Variants in ANGPT1 observed in about 807,000 individuals in gnomAD.
ANGPT1 encodes angiopoietin 1.
A neutral mutation model predicts 62.2 loss-of-function variants in ANGPT1; 17 were observed. The ratio of observed to expected loss-of-function variants is 0.27; its 90% CI spans 0.19 to 0.41. ANGPT1 has a LOEUF of 0.41. Among genes scored for constraint, ANGPT1 ranks in the 10% least tolerant of loss-of-function variants. The probability of loss-of-function intolerance (pLI) is 1.00; values close to 1 mark genes in which losing one functional copy is unlikely to be tolerated. For missense variants in ANGPT1, 478 were observed against 594.9 expected (o/e 0.80, Z 2.04); for synonymous variants, 199 against 198.9 (o/e 1.00, Z 0.00).
At chr8:107,257,697 T>C (rs762190189) in intron 8 of ANGPT1, among the ~76,000 whole-genome samples, 5 of 152,070 alleles carry the variant, frequency 3.3e-5, no homozygotes, top group Non-Finnish European at 7.4e-5. Context: ...GTGCCATCAA[T>C]GGGATCATAA....
At chr8:107,458,812 G>A (rs942606822) in intron 1 of ANGPT1, among the ~76,000 whole-genome samples, 6 of 151,946 alleles carry the variant, frequency 3.9e-5, no homozygotes, top group African/African-American at 1.4e-4. Context: ...CTGCATGCAT[G>A]TATTATCTCA....
At chr8:107,338,563 A>G (rs894462428) in intron 2 of ANGPT1, among the ~76,000 whole-genome samples, 1 of 152,230 alleles carries the variant, frequency 6.6e-6, no homozygotes, top group South Asian at 2.1e-4. Context: ...AGGATCTGAA[A>G]GCCCGTCTAA....
At chr8:107,366,721 C>A (rs750677597) in intron 1 of ANGPT1, among the ~76,000 whole-genome samples, 7 of 152,066 alleles carry the variant, frequency 4.6e-5, no homozygotes, top group Non-Finnish European at 8.8e-5. Flanking sequence ...TCCAGCGATC[C>A]CTACCTCATG....
At chr8:107,365,326 C>A (rs1046411355) in intron 1 of ANGPT1, among the ~76,000 whole-genome samples, 2 of 152,130 alleles carry the variant, frequency 1.3e-5, no homozygotes, top group South Asian at 2.1e-4. Context: ...TGCTCTCCCC[C>A]ATGAGAAGTA....
chr8:107,279,240 TAAA>T (rs1383471924), intron 7 of ANGPT1, among the ~76,000 whole-genome samples: 5 of 152,172 alleles, frequency 3.3e-5, no homozygotes, highest in Admixed American at 1.3e-4. Context: ...TGAAAGGTAA[TAAA>T]AATAGTGATG....
chr8:107,317,634 ATTTT>A (rs34242211), intron 4 of ANGPT1, among the ~76,000 whole-genome samples: 1 of 134,140 alleles, frequency 7.5e-6, no homozygotes, highest in African/African-American at 2.8e-5. Flanking sequence ...TTTTATTTTT[ATTTT>A]TTTTTTTTTT....
intron 2 of ANGPT1, among the ~76,000 whole-genome samples, chr8:107,342,455 T>G (rs1293576703): frequency 1.3e-5 from 2 of 152,158 alleles, no homozygotes; most frequent in Admixed American, 1.3e-4. Context: ...ACAGTAAACA[T>G]CTTAGGCTTG....
chr8:107,431,164 G>A (rs2130404523), intron 1 of ANGPT1, among the ~76,000 whole-genome samples: 1 of 152,310 alleles, frequency 6.6e-6, no homozygotes, highest in African/African-American at 2.4e-5. Context: ...GTGTGTGAGA[G>A]AGAGACAGTG....
intron 1 of ANGPT1, among the ~76,000 whole-genome samples, chr8:107,465,472 T>A (rs980535230): frequency 2.6e-5 from 4 of 152,148 alleles, no homozygotes; most frequent in African/African-American, 9.7e-5. Flanking sequence ...GCATATTATA[T>A]TTTCATGCAC....
intron 1 of ANGPT1, among the ~76,000 whole-genome samples, chr8:107,439,389 A>G (rs1192295684): frequency 6.6e-6 from 1 of 152,238 alleles, no homozygotes; most frequent in East Asian, 1.9e-4. Flanking sequence ...TCATGACCTT[A>G]TGTCAGTGCC....
chr8:107,489,855 T>C (rs1204486400), intron 1 of ANGPT1, among the ~76,000 whole-genome samples: 1 of 151,610 alleles, frequency 6.6e-6, no homozygotes, highest in African/African-American at 2.4e-5. Context: ...GATAATCTTG[T>C]ATTGGGACAA....
intron 7 of ANGPT1, among the ~76,000 whole-genome samples, chr8:107,279,023 C>CTTCTCAGCCTCCACA (rs1361027330): frequency 1.8e-4 from 27 of 152,336 alleles, no homozygotes; most frequent in Non-Finnish European, 3.4e-4. Flanking sequence ...AGCCAGATTT[C>CTTCTCAGCCTCCACA]TTCTCAGCCT....
At chr8:107,408,078 A>G (rs370382926) in intron 1 of ANGPT1, among the ~76,000 whole-genome samples, 1 of 75,976 alleles carries the variant, frequency 1.3e-5, no homozygotes, top group Admixed American at 1.2e-4. Context: ...ATTTTCTTAC[A>G]AAAAAATAAA....
At chr8:107,386,894 G>A (rs565188192) in intron 1 of ANGPT1, among the ~76,000 whole-genome samples, 1 of 152,056 alleles carries the variant, frequency 6.6e-6, no homozygotes, top group Non-Finnish European at 1.5e-5. Flanking sequence ...TAAAAACTGA[G>A]TAATCTATGG....
chr8:107,299,391 G>GTATATATATATATATATATA (rs59247214), intron 5 of ANGPT1, among the ~76,000 whole-genome samples: 1 of 112,596 alleles, frequency 8.9e-6, no homozygotes, highest in Non-Finnish European at 1.8e-5. Flanking sequence ...ATGAAGGAGT[G>GTATATATATATATATATATA]TATATATATA....
intron 3 of ANGPT1, 56 bp from the exon 4 acceptor site, chr8:107,322,184 C>T (rs1265897826): frequency 1.6e-6 from 2 of 1,276,622 alleles, no homozygotes; most frequent in African/African-American, 3.0e-5. Context: ...CAAAAAAACC[C>T]TTATAATTCA....
At chr8:107,291,441 C>G (rs1814270165) in intron 6 of ANGPT1, among the ~76,000 whole-genome samples, 1 of 151,466 alleles carries the variant, frequency 6.6e-6, no homozygotes, top group Non-Finnish European at 1.5e-5. Context: ...TAGACAGAGT[C>G]TTTCTCGGTC....
At chr8:107,301,083 C>T (rs887626973) in intron 5 of ANGPT1, among the ~76,000 whole-genome samples, 3 of 151,820 alleles carry the variant, frequency 2.0e-5, no homozygotes, top group East Asian at 1.9e-4. Flanking sequence ...AACTAAAGTC[C>T]ATAGAATGAC....
chr8:107,252,416 G>A (rs1303072595), intron 8 of ANGPT1, among the ~76,000 whole-genome samples: 3 of 152,152 alleles, frequency 2.0e-5, no homozygotes, highest in Non-Finnish European at 4.4e-5. Context: ...ATTGGGAATA[G>A]AACAATTAAT....
Sources: allele counts gnomAD v4.1 joint callset (sites outside exome capture counted in the v4.1 genomes callset), GRCh38; gene constraint gnomAD v4.1.1; transcripts MANE v1.5; gene names NCBI Gene and HGNC (gene_info 2026-07-23, HGNC 2026-07-21).